The following MAMLD1 variants were observed in gnomAD, a reference collection of about 807,000 sequenced individuals.
MAMLD1 encodes mastermind like domain containing 1.
A neutral mutation model predicts 45.0 loss-of-function variants in MAMLD1; 14 were observed. The observed-to-expected ratio is 0.31, with a 90% CI of 0.21 to 0.49. The LOEUF (loss-of-function observed/expected upper bound fraction) is 0.49, where lower values mean the gene tolerates loss of function less well. MAMLD1 is among the 20% of genes least tolerant of loss of function. The pLI is 0.99. For missense variants in MAMLD1, 543 were observed against 603.6 expected (o/e 0.90, Z 1.05); for synonymous variants, 254 against 247.8 (o/e 1.02, Z -0.24).
At chrX:150,403,913 AAAAG>A (rs1358536906) in intron 1 of MAMLD1, among the ~76,000 whole-genome samples, 1,665 of 95,358 alleles carry the variant, frequency 0.017, 42 homozygotes, top group African/African-American at 0.061. Flanking sequence ...AGAAGAAAGA[AAAAG>A]AAAGAAAGAC....
intron 1 of MAMLD1, among the ~76,000 whole-genome samples, chrX:150,426,067 C>T (rs1387536149): frequency 9.0e-6 from 1 of 111,453 alleles, no homozygotes; most frequent in Non-Finnish European, 1.9e-5. Context: ...GGCTCCAAAG[C>T]CTTGGCTATA....
At chrX:150,445,406 G>T (rs2035454646) in intron 1 of MAMLD1, 48 bp from the exon 2 acceptor site, 2 of 547,145 alleles carry the variant, frequency 3.7e-6, no homozygotes, top group Non-Finnish European at 6.6e-6. Flanking sequence ...CGGGGTCAGT[G>T]GTCTCATCTT....
intron 1 of MAMLD1, among the ~76,000 whole-genome samples, chrX:150,420,848 A>G (rs1341609543): frequency 8.9e-6 from 1 of 112,218 alleles, no homozygotes; most frequent in Non-Finnish European, 1.9e-5. Flanking sequence ...CAAAGCTGTC[A>G]GACAGGGACA....
intron 6 of MAMLD1, chrX:150,503,915 C>A: frequency 8.5e-6 from 2 of 235,360 alleles, no homozygotes; most frequent in Non-Finnish European, 6.1e-6. Context: ...GGCTGTGCTT[C>A]TGCACCTCCG....
chrX:150,405,587 G>C (rs1557402639), intron 1 of MAMLD1, among the ~76,000 whole-genome samples: 4 of 112,205 alleles, frequency 3.6e-5, no homozygotes, highest in African/African-American at 1.3e-4. Context: ...CAATGGGACA[G>C]GATATACTTG....
At chrX:150,398,872 C>G (rs961201777) in intron 1 of MAMLD1, among the ~76,000 whole-genome samples, 2 of 111,350 alleles carry the variant, frequency 1.8e-5, no homozygotes, top group Non-Finnish European at 3.8e-5. Flanking sequence ...TTATCAGAAT[C>G]TCATGCACTC....
At position 150,513,044 on chromosome X, in the gene MAMLD1, C is replaced by A; in HGVS notation, c.*1085C>A. The A allele has an allele frequency of 8.7e-7, 1 of 1,151,763 alleles. No homozygotes were observed. The highest frequency in any genetic ancestry group is 1.2e-6 in the Non-Finnish European group (1 of 869,354). 94.9% of individuals were successfully genotyped at this position (1,151,763 alleles called of 1,213,427 possible). On this transcript the variant is annotated 3_prime_UTR_variant, in exon 8 of 8. Coordinates refer to ENST00000370401, the MANE Select transcript of MAMLD1 (RefSeq NM_005491.5). Reference sequence around the variant, plus strand: ...AAATGCCACAGCCCAGAATTCTGGGCAAGTCACCCAGGATGCTGGGGCACT... The same window carrying A: ...AAATGCCACAGCCCAGAATTCTGGGAAAGTCACCCAGGATGCTGGGGCACT...
At position 150,504,624 on chromosome X, in the gene MAMLD1, C is replaced by T. The variant is rs183019658; in HGVS notation, c.2284+1107C>T. ...AACGGACGTCGTCCCCTCAGGATGTCGCTGTTTCCACCCTGGTCTGCCTTG... is the reference window on the plus strand; with the variant it reads ...AACGGACGTCGTCCCCTCAGGATGTTGCTGTTTCCACCCTGGTCTGCCTTG... On this transcript the variant is annotated intron_variant, in intron 6 of 7. Transcript: ENST00000370401. 1,185 of 583,174 alleles carry T rather than the reference C, an allele frequency of 2.0e-3. 8 individuals carry two copies. In the African/African-American group the frequency reaches 0.025, roughly 12 times the overall value. 48.1% of individuals were successfully genotyped at this position (583,174 alleles called of 1,213,427 possible).
intron 1 of MAMLD1, among the ~76,000 whole-genome samples, chrX:150,376,745 C>T (rs1292955991): frequency 9.0e-6 from 1 of 111,015 alleles, no homozygotes; most frequent in African/African-American, 3.3e-5. Context: ...TGTACCAATG[C>T]CTAATTTAAA....
At position 150,514,087 on chromosome X, in the gene MAMLD1, C is replaced by T. The variant is rs1249787324; in HGVS notation, c.*2128C>T. 5 of 264,151 alleles carry T rather than the reference C, an allele frequency of 1.9e-5. No individual in the cohort carries two copies. Among genetic ancestry groups the T allele is most frequent in the African/African-American group, 8.3e-5 (3 of 35,945 alleles). 21.8% of individuals were successfully genotyped at this position (264,151 alleles called of 1,213,427 possible). A position where few individuals can be genotyped will look rare whatever the true frequency, so the allele number is the denominator to read the frequency against. On this transcript the variant is annotated 3_prime_UTR_variant, in exon 8 of 8. Coordinates refer to ENST00000370401, the MANE Select transcript of MAMLD1 (RefSeq NM_005491.5). ...TGTAATCACATTTTAATTGCCACCT[C>T]GTATTTCACCTCTACATTTGAAATC...
At chrX:150,373,373 G>A (rs936700907) in intron 1 of MAMLD1, among the ~76,000 whole-genome samples, 3 of 111,127 alleles carry the variant, frequency 2.7e-5, no homozygotes, top group African/African-American at 9.8e-5. Context: ...TGGGTCCACC[G>A]AAGCTGATTT....
chrX:150,370,220 G>A (rs1369393689), intron 1 of MAMLD1, among the ~76,000 whole-genome samples: 3 of 109,807 alleles, frequency 2.7e-5, no homozygotes, highest in African/African-American at 1.0e-4. Flanking sequence ...CTCTCACAAC[G>A]CCACCGAGGG....
At chrX:150,416,118 T>C (rs892652123) in intron 1 of MAMLD1, among the ~76,000 whole-genome samples, 4 of 111,924 alleles carry the variant, frequency 3.6e-5, no homozygotes, top group African/African-American at 1.3e-4. Context: ...TTATAAGCTT[T>C]GTCCAGGGGC....
intron 2 of MAMLD1, among the ~76,000 whole-genome samples, chrX:150,462,438 G>A (rs188372611): frequency 1.2e-3 from 136 of 111,846 alleles, no homozygotes; most frequent in African/African-American, 4.4e-3. Context: ...AGAGCTGGCA[G>A]CCTTTCTGGT....
intron 1 of MAMLD1, among the ~76,000 whole-genome samples, chrX:150,437,813 G>A: frequency 9.0e-6 from 1 of 111,525 alleles, no homozygotes; most frequent in Non-Finnish European, 1.9e-5. Flanking sequence ...CAATCACCAT[G>A]GGTAGCTCTC....
chrX:150,458,429 A>G (rs1446715170), intron 2 of MAMLD1, among the ~76,000 whole-genome samples: 1 of 111,505 alleles, frequency 9.0e-6, no homozygotes, highest in Non-Finnish European at 1.9e-5. Flanking sequence ...AGAGAGAGGT[A>G]AGGTCACCTC....
intron 5 of MAMLD1, among the ~76,000 whole-genome samples, chrX:150,497,690 T>C (rs1863747014): frequency 9.0e-6 from 1 of 111,600 alleles, no homozygotes; most frequent in Admixed American, 9.6e-5. Context: ...GGTACAGTTA[T>C]TATAAAAAGA....
Position 150,445,434 on chromosome X carries a change from G to A in MAMLD1, c.-63-20G>A, listed in dbSNP as rs971580940. On this transcript the variant is annotated intron_variant, in intron 1 of 7. Transcript: ENST00000370401. The stretch of plus-strand genomic sequence containing the variant: ...CTCATCTTCATATCTGAAAGACAGT[G>A]TACTTTTTGTCTCCCTAAGCCCTGT... 9.4e-6 allele frequency: 6 copies of A among 639,655 alleles called. No individual in the cohort carries two copies. Among genetic ancestry groups the A allele is most frequent in the Non-Finnish European group, 1.3e-5 (5 of 381,730 alleles). The allele number at this position is 639,655 out of a possible 1,213,427, so 52.7% of individuals were successfully genotyped here. A position where few individuals can be genotyped will look rare whatever the true frequency, so the allele number is the denominator to read the frequency against.
chrX:150,475,082 C>A (rs2036545519), intron 5 of MAMLD1, among the ~76,000 whole-genome samples: 1 of 112,340 alleles, frequency 8.9e-6, no homozygotes, highest in Non-Finnish European at 1.9e-5. Flanking sequence ...GATGGCCAAG[C>A]TGAGCCTCAG....
Sources: allele counts gnomAD v4.1 joint callset (sites outside exome capture counted in the v4.1 genomes callset), GRCh38; gene constraint gnomAD v4.1.1; transcripts MANE v1.5; gene names NCBI Gene and HGNC (gene_info 2026-07-23, HGNC 2026-07-21).